The following ADGRV1 variants were observed in gnomAD, a reference collection of about 807,000 sequenced individuals.
ADGRV1 encodes G-protein coupled receptor 98.
ADGRV1 carries 359 observed loss-of-function variants against 596.2 expected under a neutral mutation model. The observed-to-expected ratio is 0.60, with a 90% CI of 0.55 to 0.66. The LOEUF (loss-of-function observed/expected upper bound fraction) is 0.66. Ranked by LOEUF, ADGRV1 falls within the 30% of genes least tolerant of loss-of-function variation. The pLI, the probability that ADGRV1 is intolerant of heterozygous loss-of-function variation, is 0.00. For missense variants in ADGRV1, 7,274 were observed against 7,575.6 expected, an observed-to-expected ratio of 0.96 and a Z score of 1.48; for synonymous variants, 2,681 against 2,679.2, an observed-to-expected ratio of 1.00 and a Z score of -0.02.
intron 89 of ADGRV1, among the ~76,000 whole-genome samples, chr5:91,154,167 T>C (rs1423509199): frequency 6.6e-6 from 1 of 152,228 alleles, no homozygotes; most frequent in East Asian, 1.9e-4. Context: ...AAATCAAATA[T>C]GCAGTTTAAA....
At chr5:90,629,142 A>G (rs1224817974) in intron 8 of ADGRV1, 68 bp from the exon 9 acceptor site, 9 of 823,912 alleles carry the variant, frequency 1.1e-5, no homozygotes, top group Non-Finnish European at 1.6e-5. Context: ...AATAACATGG[A>G]AAATACAGAG....
intron 70 of ADGRV1, among the ~76,000 whole-genome samples, chr5:90,797,479 A>G (rs1002048752): frequency 6.6e-6 from 1 of 152,118 alleles, no homozygotes; most frequent in Non-Finnish European, 1.5e-5. Flanking sequence ...TCAAAAAGCA[A>G]GTTCTTAGAG....
chr5:91,000,296 C>T (rs1781750340), intron 85 of ADGRV1, among the ~76,000 whole-genome samples: 1 of 152,070 alleles, frequency 6.6e-6, no homozygotes, highest in African/African-American at 2.4e-5. Flanking sequence ...ATTTATCAAA[C>T]ATGTTTACCT....
In ADGRV1 at chr5:90,658,212, A is replaced by T. The variant is rs754406248; in HGVS notation, c.4686A>T (p.Arg1562Ser). 4 of 1,562,750 alleles carry T rather than the reference A, an allele frequency of 2.6e-6. No homozygotes were observed. In the South Asian group the frequency reaches 5.0e-5, roughly 19 times the overall value. ...ARISEENTTA[R>S]LTIQKSDNAN... is the part of the protein sequence containing the mutation. ...TTTCGGAAGAAAATACTACTGCAAGATTAACAATACAAAAAAGTGACAATG... is the reference window on the plus strand; with the variant it reads ...TTTCGGAAGAAAATACTACTGCAAGTTTAACAATACAAAAAAGTGACAATG... The change falls in exon 21 of 90, where the codon AGA becomes AGT. Residue 1562 changes from arginine (R) to serine (S), a missense_variant. By Grantham distance (110) the Arg-to-Ser change is moderately radical. Around this residue, in one of 5 missense-constraint regions of ADGRV1, gnomAD observed 3,643 missense variants for 3,809.2 expected, o/e 0.96. Transcript: ENST00000405460.
Position 90,702,429 on chromosome 5 carries a change from T to C in ADGRV1, c.8156-1236T>C, listed in dbSNP as rs1748023651. ...CTTTCTAATGCTTTTGTTTATATTA[T>C]CCACTCTCCTTAAAATGTTCATTTT... On this transcript the variant is annotated intron_variant, in intron 34 of 89. Coordinates refer to ENST00000405460, the MANE Select transcript of ADGRV1 (RefSeq NM_032119.4). 2.6e-5 allele frequency among the ~76,000 whole-genome samples: 4 copies of C among 151,968 alleles called. No homozygotes were observed. The South Asian group carries it at 8.3e-4, about 31-fold the overall frequency.
intron 89 of ADGRV1, among the ~76,000 whole-genome samples, chr5:91,163,050 A>G (rs758448352): frequency 2.0e-5 from 3 of 152,206 alleles, no homozygotes; most frequent in Non-Finnish European, 2.9e-5. Context: ...GTTCTCTAGA[A>G]ATATGAAAGA....
At chr5:90,854,877 TAACCAACTTTCCTC>T (rs1483745504) in intron 81 of ADGRV1, among the ~76,000 whole-genome samples, 1 of 152,216 alleles carries the variant, frequency 6.6e-6, no homozygotes, top group Non-Finnish European at 1.5e-5. Context: ...CTTAGTTTGG[TAACCAACTTTCCTC>T]AAAAACACTG....
intron 85 of ADGRV1, among the ~76,000 whole-genome samples, chr5:91,029,376 A>G (rs1471136452): frequency 1.3e-5 from 2 of 152,180 alleles, no homozygotes; most frequent in Non-Finnish European, 2.9e-5. Context: ...TTATTTCTCT[A>G]TCAGTTATTA....
intron 1 of ADGRV1, among the ~76,000 whole-genome samples, chr5:90,585,336 T>A (rs529006991): frequency 6.6e-6 from 1 of 152,322 alleles, no homozygotes; most frequent in South Asian, 2.1e-4. Flanking sequence ...CCTCTGCCCC[T>A]CATGTGTATC....
intron 77 of ADGRV1, among the ~76,000 whole-genome samples, chr5:90,839,870 A>G (rs1284466438): frequency 6.6e-6 from 1 of 152,200 alleles, no homozygotes; most frequent in East Asian, 1.9e-4. Flanking sequence ...AGGTTCTATG[A>G]GTGCAGGTAT....
At chr5:91,161,610 A>G (rs990359603) in intron 89 of ADGRV1, among the ~76,000 whole-genome samples, 5 of 150,870 alleles carry the variant, frequency 3.3e-5, no homozygotes, top group African/African-American at 9.8e-5. Flanking sequence ...TTAAAAATAC[A>G]TTGTCACTGG....
intron 87 of ADGRV1, among the ~76,000 whole-genome samples, chr5:91,140,611 C>A (rs1033911119): frequency 1.3e-5 from 2 of 151,778 alleles, no homozygotes; most frequent in African/African-American, 4.8e-5. Context: ...TTATTAAGTC[C>A]CACCTCAATA....
chr5:91,135,621 C>T (rs904915539), intron 87 of ADGRV1, among the ~76,000 whole-genome samples: 3 of 152,144 alleles, frequency 2.0e-5, no homozygotes, highest in African/African-American at 7.2e-5. Flanking sequence ...CTGGTTTTTC[C>T]TGCCCTTGTT....
In ADGRV1 at chr5:90,828,250, A is replaced by C. The variant is rs544382638; in HGVS notation, c.16369-694A>C. ...TTTGAAAAATACATAAAACTTCAGA[A>C]TTGACTATTATAAATATTTGATTAT... is the stretch of plus-strand genomic sequence containing the variant. On this transcript the variant is annotated intron_variant, in intron 76 of 89. Coordinates refer to ENST00000405460, the MANE Select transcript of ADGRV1 (RefSeq NM_032119.4). Among the ~76,000 whole-genome samples, 7 of 152,282 alleles carry C rather than the reference A, an allele frequency of 4.6e-5. No homozygotes were observed. In the East Asian group the frequency reaches 1.4e-3, roughly 29 times the overall value.
intron 9 of ADGRV1, among the ~76,000 whole-genome samples, chr5:90,630,736 CTTGA>C (rs1238943363): frequency 6.6e-6 from 1 of 152,042 alleles, no homozygotes. Context: ...CATATTTTGC[CTTGA>C]TTTTGTTTTA....
chr5:90,596,498 C>G (rs1027036207), intron 1 of ADGRV1, among the ~76,000 whole-genome samples: 11 of 151,978 alleles, frequency 7.2e-5, no homozygotes, highest in Admixed American at 7.2e-4. Context: ...AGCCTGGGCA[C>G]CATTGAGCAC....
intron 50 of ADGRV1, among the ~76,000 whole-genome samples, chr5:90,737,112 A>G (rs1753340059): frequency 6.6e-6 from 1 of 150,962 alleles, no homozygotes; most frequent in Non-Finnish European, 1.5e-5. Flanking sequence ...TCCTTTTTGG[A>G]CTGTTTTTGC....
intron 85 of ADGRV1, among the ~76,000 whole-genome samples, chr5:90,991,589 G>A (rs1363957182): frequency 6.6e-6 from 1 of 151,992 alleles, no homozygotes; most frequent in Non-Finnish European, 1.5e-5. Context: ...TAGTTTTTTA[G>A]TATTTCAGTT....
intron 75 of ADGRV1, among the ~76,000 whole-genome samples, chr5:90,820,491 A>G (rs1390129286): frequency 3.3e-5 from 5 of 150,502 alleles, no homozygotes; most frequent in Non-Finnish European, 7.4e-5. Flanking sequence ...TCATTAGTTG[A>G]TGCAGTTTCT....
Sources: gnomAD v4.1 joint callset for allele counts (sites outside exome capture counted in the v4.1 genomes callset) on GRCh38, gnomAD v4.1.1 for gene constraint, gnomAD v4.1.1 regional missense constraint, MANE v1.5 for transcripts, NCBI Gene and HGNC (gene_info 2026-07-23, HGNC 2026-07-21) for gene names.